VWA8: variants seen among roughly 807,000 people sequenced by gnomAD.
VWA8 encodes the protein von Willebrand factor A domain-containing protein 8.
A neutral mutation model predicts 241.5 loss-of-function variants in VWA8; 221 were observed. That is an observed-to-expected ratio of 0.91 (90% CI 0.82 to 1.02). VWA8 has a LOEUF of 1.02. Ranked by LOEUF, VWA8 falls within the 50% of genes least tolerant of loss-of-function variation. VWA8 has a pLI of 0.00. For synonymous variants in VWA8, 852 were observed against 827.1 expected (o/e 1.03, Z -0.52); for missense variants, 2,322 against 2,328.7 (o/e 1.00, Z 0.06).
At chr13:41,577,806 T>C (rs1471921018) in intron 42 of VWA8, among the ~76,000 whole-genome samples, 2 of 152,238 alleles carry the variant, frequency 1.3e-5, no homozygotes, top group Non-Finnish European at 2.9e-5. Context: ...TGTTTGACTT[T>C]TCCCTCCCTT....
chr13:41,886,700 G>T, intron 7 of VWA8, 81 bp downstream of exon 7: 1 of 1,156,690 alleles, frequency 8.6e-7, no homozygotes, highest in Non-Finnish European at 1.3e-6. Flanking sequence ...TTGAATGACT[G>T]AATTAATTAA....
intron 3 of VWA8, among the ~76,000 whole-genome samples, chr13:41,908,424 A>T (rs1330246705): frequency 2.6e-5 from 4 of 151,772 alleles, no homozygotes; most frequent in African/African-American, 9.7e-5. Flanking sequence ...GTAAGCCGAG[A>T]TCACACCATT....
At chr13:41,628,353 C>T (rs9590619) in intron 37 of VWA8, among the ~76,000 whole-genome samples, 5,878 of 152,184 alleles carry the variant, frequency 0.039, 377 homozygotes, top group African/African-American at 0.13. Flanking sequence ...AATCCAGCAA[C>T]CCCATTATTG....
chr13:41,809,714 C>G (rs188012933), intron 17 of VWA8, among the ~76,000 whole-genome samples: 24 of 152,118 alleles, frequency 1.6e-4, no homozygotes, highest in African/African-American at 5.8e-4. Context: ...TAAGTAATTC[C>G]CCACAAGCAT....
chr13:41,849,844 G>T (rs377141230), intron 12 of VWA8, among the ~76,000 whole-genome samples: 2 of 151,584 alleles, frequency 1.3e-5, no homozygotes, highest in Non-Finnish European at 2.9e-5. Context: ...CCAAGATCGC[G>T]CCACTGTACT....
At chr13:41,795,189 T>C (rs1012819353) in intron 17 of VWA8, among the ~76,000 whole-genome samples, 2 of 147,136 alleles carry the variant, frequency 1.4e-5, no homozygotes, top group Non-Finnish European at 3.1e-5. Flanking sequence ...CCAACGAACA[T>C]GAAAAAAAGC....
chr13:41,766,128 G>T (rs1486923607), intron 20 of VWA8, among the ~76,000 whole-genome samples: 1 of 152,008 alleles, frequency 6.6e-6, no homozygotes, highest in Non-Finnish European at 1.5e-5. Flanking sequence ...AAAAGCTCAG[G>T]GACCATGACT....
intron 13 of VWA8, among the ~76,000 whole-genome samples, chr13:41,831,645 G>A (rs1314870109): frequency 1.0e-3 from 131 of 126,622 alleles, no homozygotes; most frequent in African/African-American, 3.9e-3. Context: ...TTGAGACAGA[G>A]TCTCCCTCTC....
At position 41,806,141 on chromosome 13, in the gene VWA8, G is replaced by A. The variant is rs201202533; in HGVS notation, c.2063+5084C>T. On this transcript the variant is annotated intron_variant, in intron 17 of 44. Transcript: ENST00000379310. ...CAATAGGCTCCTGAATGACCAGTGA[G>A]TCAATGAAGAAATTAAGAAGAAAAC... Among the ~76,000 whole-genome samples the A allele has an allele frequency of 2.4e-4, 36 of 152,042 alleles. No homozygotes were observed. The East Asian group carries it at 6.6e-3, about 28-fold the overall frequency.
In VWA8 at chr13:41,819,332, A is replaced by G; in HGVS notation, c.1755T>C (p.Pro585=). The change falls in exon 15 of 45, where the codon CCT becomes CCC. Residue 585 remains proline (P), a synonymous_variant. Coordinates refer to ENST00000379310, the MANE Select transcript of VWA8 (RefSeq NM_015058.2). ...SFRIIALAEP[P]VIGSTAHQWL... is the part of the protein sequence containing the mutation. ...ACTGGTGTGCTGTGCTTCCAATAAC[A>G]GGGGGTTCTGCCAAGGCAATGATTC... 6.2e-7 allele frequency: 1 copy of G among 1,612,816 alleles called. No individual in the cohort carries two copies. Among genetic ancestry groups the G allele is most frequent in the Non-Finnish European group, 8.5e-7 (1 of 1,179,736 alleles).
At chr13:41,886,947 C>CA (rs1388281606) in intron 6 of VWA8, 117 bp from the exon 7 acceptor site, 3 of 913,708 alleles carry the variant, frequency 3.3e-6, no homozygotes, top group Non-Finnish European at 3.2e-6. Context: ...TATTTAACAG[C>CA]AAAAAATCAT....
At chr13:41,862,770 A>C (rs1873062616) in intron 12 of VWA8, among the ~76,000 whole-genome samples, 1 of 152,186 alleles carries the variant, frequency 6.6e-6, no homozygotes, top group Middle Eastern at 3.2e-3. Flanking sequence ...AAAAGTCAAA[A>C]AATAACAGAT....
chr13:41,778,123 A>AGTTCTAGATCCCTGAGG, intron 19 of VWA8, 67 bp from the exon 20 acceptor site: 1 of 1,151,816 alleles, frequency 8.7e-7, no homozygotes, highest in Non-Finnish European at 1.2e-6. Context: ...AGTTAACTAT[A>AGTTCTAGATCCCTGAGG]AAGATATCTT....
In VWA8 at chr13:41,655,090, ATT is replaced by A. The variant is rs35973790; in HGVS notation, c.4611+15854_4611+15855del. Among the ~76,000 whole-genome samples, 73 of 138,164 alleles carry A rather than the reference ATT, an allele frequency of 5.3e-4. No individual in the cohort carries two copies. The South Asian group carries it at 9.7e-3, about 18-fold the overall frequency. The allele number at this position is 138,164 out of a possible 152,430, so 90.6% of individuals were successfully genotyped here. Reference sequence around the variant, plus strand: ...AATGCTCTTGTGAGGAAAAACTGAAATTTTTTTTTTTTTTTTTTGAGACAGAG... The same window carrying A: ...AATGCTCTTGTGAGGAAAAACTGAAATTTTTTTTTTTTTTTTGAGACAGAG... On this transcript the variant is annotated intron_variant, in intron 37 of 44. Coordinates refer to ENST00000379310, the MANE Select transcript of VWA8 (RefSeq NM_015058.2).
chr13:41,727,778 T>C (rs1419161398), intron 23 of VWA8, among the ~76,000 whole-genome samples: 1 of 152,164 alleles, frequency 6.6e-6, no homozygotes, highest in East Asian at 1.9e-4. Context: ...CCTGTTTAGA[T>C]CACGCACCCT....
chr13:41,747,911 T>C (rs2045622415), intron 21 of VWA8, among the ~76,000 whole-genome samples: 1 of 152,234 alleles, frequency 6.6e-6, no homozygotes, highest in South Asian at 2.1e-4. Context: ...TATTGATTTG[T>C]GTATGTTGAA....
chr13:41,581,586 T>A (rs1442070384), intron 42 of VWA8, among the ~76,000 whole-genome samples: 1 of 152,212 alleles, frequency 6.6e-6, no homozygotes, highest in East Asian at 1.9e-4. Flanking sequence ...GCCTACTCAC[T>A]GCCCCCCTCC....
At chr13:41,677,412 T>C (rs1165852939) in intron 35 of VWA8, among the ~76,000 whole-genome samples, 1 of 152,184 alleles carries the variant, frequency 6.6e-6, no homozygotes, top group Non-Finnish European at 1.5e-5. Context: ...AGAGAGTGCT[T>C]CTGATACTGA....
intron 9 of VWA8, among the ~76,000 whole-genome samples, chr13:41,882,172 C>G (rs1375201540): frequency 6.7e-6 from 1 of 150,332 alleles, no homozygotes; most frequent in East Asian, 2.0e-4. Context: ...GACGGGGCGG[C>G]AGGGCAGAGG....
Sources: gnomAD v4.1 joint callset for allele counts (sites outside exome capture counted in the v4.1 genomes callset) on GRCh38, gnomAD v4.1.1 for gene constraint, MANE v1.5 for transcripts, NCBI Gene and HGNC (gene_info 2026-07-23, HGNC 2026-07-21) for gene names.